The following GALNT2 variants were observed in gnomAD, a reference collection of about 807,000 sequenced individuals.
The protein encoded by GALNT2 is polypeptide N-acetylgalactosaminyltransferase 2.
A neutral mutation model predicts 81.4 loss-of-function variants in GALNT2; 31 were observed. That is an observed-to-expected ratio of 0.38 (90% CI 0.29 to 0.51). GALNT2 has a LOEUF of 0.51. Ranked by LOEUF, GALNT2 falls within the 20% of genes least tolerant of loss-of-function variation. The probability of loss-of-function intolerance (pLI) is 0.87; values close to 1 mark genes in which losing one functional copy is unlikely to be tolerated. For synonymous variants in GALNT2, 303 were observed against 287.4 expected (o/e 1.05, Z -0.55); for missense variants, 629 against 765.7 (o/e 0.82, Z 2.11).
chr1:230,162,623 C>T (rs1662469743), intron 1 of GALNT2, among the ~76,000 whole-genome samples: 1 of 152,140 alleles, frequency 6.6e-6, no homozygotes, highest in African/African-American at 2.4e-5. Flanking sequence ...AGCCATCAAC[C>T]CTGAAAATGC....
rs892776079 is a variant in GALNT2, at chr1:230,280,186, A to G, written c.*728A>G. 5.3e-5 allele frequency: 19 copies of G among 361,186 alleles called. No homozygotes were observed. The highest frequency in any genetic ancestry group is 2.2e-4 in the East Asian group (3 of 13,626). The allele number at this position is 361,186 out of a possible 1,614,324, so 22.4% of individuals were successfully genotyped here. Reference sequence around the variant, plus strand: ...GAAGGGGCCAGAGCCCGGTGGGGCCAGTTTCTCACAGAGGGAGGAGGTGGC... The same window carrying G: ...GAAGGGGCCAGAGCCCGGTGGGGCCGGTTTCTCACAGAGGGAGGAGGTGGC... On this transcript the variant is annotated 3_prime_UTR_variant, in exon 16 of 16. Coordinates refer to ENST00000366672, the MANE Select transcript of GALNT2 (RefSeq NM_004481.5).
chr1:230,235,942 C>T, intron 3 of GALNT2, 72 bp from the exon 4 acceptor site: 1 of 1,422,922 alleles, frequency 7.0e-7, no homozygotes, highest in Non-Finnish European at 9.8e-7. Context: ...TCTGCCTGTT[C>T]TCTGAAGGGC....
At chr1:230,218,949 C>T (rs1351549275) in intron 3 of GALNT2, among the ~76,000 whole-genome samples, 5 of 152,198 alleles carry the variant, frequency 3.3e-5, no homozygotes, top group Non-Finnish European at 7.3e-5. Flanking sequence ...CATAGGAGCA[C>T]GAACCCTATT....
intron 1 of GALNT2, among the ~76,000 whole-genome samples, chr1:230,164,055 T>C (rs1160214618): frequency 2.0e-5 from 3 of 152,202 alleles, no homozygotes; most frequent in African/African-American, 7.2e-5. Context: ...CATCTTTTTT[T>C]TAATAAAAGG....
intron 3 of GALNT2, among the ~76,000 whole-genome samples, chr1:230,233,147 A>G (rs943984252): frequency 2.6e-5 from 4 of 152,236 alleles, no homozygotes; most frequent in Non-Finnish European, 5.9e-5. Context: ...GGCAGCTGCT[A>G]GACCATCCAC....
At chr1:230,117,812 T>A (rs1221632817) in intron 1 of GALNT2, among the ~76,000 whole-genome samples, 2 of 152,140 alleles carry the variant, frequency 1.3e-5, no homozygotes, top group African/African-American at 4.8e-5. Flanking sequence ...TTAGAAAAAA[T>A]GGCAGTGATA....
chr1:230,168,082 G>A (rs751221984), intron 1 of GALNT2, among the ~76,000 whole-genome samples: 1 of 152,160 alleles, frequency 6.6e-6, no homozygotes, highest in African/African-American at 2.4e-5. Flanking sequence ...GAAGTGAGCT[G>A]CAGTTGAGAG....
intron 1 of GALNT2, among the ~76,000 whole-genome samples, chr1:230,138,499 T>C (rs1572007734): frequency 7.7e-6 from 1 of 129,262 alleles, no homozygotes; most frequent in African/African-American, 3.0e-5. Flanking sequence ...CACCCCAGCC[T>C]GGGCGATGCA....
intron 1 of GALNT2, among the ~76,000 whole-genome samples, chr1:230,162,710 G>A (rs528597632): frequency 6.6e-6 from 1 of 152,284 alleles, no homozygotes; most frequent in South Asian, 2.1e-4. Context: ...TTTGACTGTA[G>A]GTCATAAGAC....
Position 230,153,344 on chromosome 1 carries a change from C to T in GALNT2, c.127-24874C>T, listed in dbSNP as rs949718209. Among the ~76,000 whole-genome samples the T allele has an allele frequency of 2.0e-5, 3 of 152,180 alleles. No individual in the cohort carries two copies. In the South Asian group the frequency reaches 6.2e-4, roughly 32 times the overall value. ...TGATCGGTTCTTTTCTCCTTACATG[C>T]GGGAGTGTTTCTGTAGTCAGACTGG... is the stretch of plus-strand genomic sequence containing the variant. On this transcript the variant is annotated intron_variant, in intron 1 of 15. Coordinates refer to ENST00000366672, the MANE Select transcript of GALNT2 (RefSeq NM_004481.5).
chr1:230,187,201 G>A (rs1663363493), intron 2 of GALNT2, among the ~76,000 whole-genome samples: 2 of 152,172 alleles, frequency 1.3e-5, no homozygotes, highest in African/African-American at 4.8e-5. Context: ...GATGTTCCAG[G>A]CCAACAGTCT....
chr1:230,253,152 A>T (rs1308802315), intron 10 of GALNT2, among the ~76,000 whole-genome samples: 1 of 152,198 alleles, frequency 6.6e-6, no homozygotes, highest in Admixed American at 6.5e-5. Context: ...CCAGCCGACA[A>T]CTTCTTAGGT....
At chr1:230,119,357 G>A (rs1660944149) in intron 1 of GALNT2, among the ~76,000 whole-genome samples, 1 of 152,066 alleles carries the variant, frequency 6.6e-6, no homozygotes, top group Admixed American at 6.5e-5. Context: ...ATGTTCCTCC[G>A]TGCTCTGTTT....
In GALNT2 at chr1:230,060,517, T is replaced by TC. The variant is rs368527666; in HGVS notation, n.89+2443dup. On this transcript the variant is annotated intron_variant and non_coding_transcript_variant, in intron 1 of 6. Transcript: ENST00000494106. Reference sequence around the variant, plus strand: ...TCTCCACCAGCTACTAAATCCCCCATCCCCTCACCACCACCACCCCCACCC... The same window carrying TC: ...TCTCCACCAGCTACTAAATCCCCCATCCCCCTCACCACCACCACCCCCACCC... Among the ~76,000 whole-genome samples, 437 of 151,850 alleles carry TC rather than the reference T, an allele frequency of 2.9e-3. 1 individual carries two copies. The highest frequency in any genetic ancestry group is 0.01 in the African/African-American group (425 of 41,354).
chr1:230,090,299 C>T (rs573204750), intron 1 of GALNT2, among the ~76,000 whole-genome samples: 2 of 152,276 alleles, frequency 1.3e-5, no homozygotes, highest in Non-Finnish European at 2.9e-5. Flanking sequence ...CATTTGTTGT[C>T]AAACTGCCTG....
chr1:230,115,760 G>A (rs12565365), intron 1 of GALNT2, among the ~76,000 whole-genome samples: 64,231 of 151,996 alleles, frequency 0.42, 13,558 homozygotes, highest in South Asian at 0.53. Flanking sequence ...CCCACAGTAG[G>A]ACTTCTTTCA....
chr1:230,118,015 C>G (rs935638912), intron 1 of GALNT2, among the ~76,000 whole-genome samples: 12 of 152,222 alleles, frequency 7.9e-5, no homozygotes, highest in African/African-American at 2.9e-4. Context: ...CTGTTCATCC[C>G]TCCCAACCCC....
At chr1:230,163,422 T>C (rs1662496621) in intron 1 of GALNT2, among the ~76,000 whole-genome samples, 1 of 152,234 alleles carries the variant, frequency 6.6e-6, no homozygotes, top group Non-Finnish European at 1.5e-5. Context: ...CGATCTCTCA[T>C]GCTTTAGCGT....
At chr1:230,074,291 C>T (rs1026433113) in intron 1 of GALNT2, among the ~76,000 whole-genome samples, 3 of 152,206 alleles carry the variant, frequency 2.0e-5, no homozygotes, top group Admixed American at 2.0e-4. Flanking sequence ...CAGGGTTTCA[C>T]TATGTTGCCC....
Sources: allele counts gnomAD v4.1 joint callset (sites outside exome capture counted in the v4.1 genomes callset), GRCh38; gene constraint gnomAD v4.1.1; transcripts MANE v1.5; gene names NCBI Gene and HGNC (gene_info 2026-07-23, HGNC 2026-07-21).